Variants in RGL1 observed in about 807,000 individuals in gnomAD.
RGL1 encodes the protein ral guanine nucleotide dissociation stimulator-like 1.
A neutral mutation model predicts 95.2 loss-of-function variants in RGL1; 24 were observed. The observed-to-expected ratio is 0.25, with a 90% CI of 0.18 to 0.35. The LOEUF (loss-of-function observed/expected upper bound fraction) is 0.35. Ranked by LOEUF, RGL1 falls within the 10% of genes least tolerant of loss-of-function variation. The pLI is 1.00. For missense variants in RGL1, 715 were observed against 936.3 expected, an observed-to-expected ratio of 0.76 and a Z score of 3.08; for synonymous variants, 329 against 344.9, an observed-to-expected ratio of 0.95 and a Z score of 0.51.
chr1:183,646,338 T>C (rs1037109040), intron 1 of RGL1: 10 of 152,176 alleles, frequency 6.6e-5, no homozygotes, highest in Non-Finnish European at 1.5e-5. Flanking sequence ...TCCTAAAATA[T>C]GTTTTTCTTT....
At chr1:183,721,463 G>A (rs75223998) in intron 1 of RGL1, among the ~76,000 whole-genome samples, 4 of 152,030 alleles carry the variant, frequency 2.6e-5, no homozygotes, top group Non-Finnish European at 4.4e-5. Context: ...TCAAGCACAC[G>A]TCCTTATTCA....
chr1:183,818,495 T>C (rs935913119), intron 2 of RGL1, among the ~76,000 whole-genome samples: 2 of 152,254 alleles, frequency 1.3e-5, no homozygotes, highest in African/African-American at 4.8e-5. Flanking sequence ...TTTACTCTTC[T>C]ACTTTTCCCA....
chr1:183,745,156 C>T (rs1657547038), intron 2 of RGL1, among the ~76,000 whole-genome samples: 1 of 152,044 alleles, frequency 6.6e-6, no homozygotes, highest in Non-Finnish European at 1.5e-5. Context: ...TGGATATTGG[C>T]CATTTAGTTT....
chr1:183,756,552 G>A (rs190903289), intron 2 of RGL1, among the ~76,000 whole-genome samples: 61 of 152,280 alleles, frequency 4.0e-4, no homozygotes, highest in African/African-American at 1.3e-3. Context: ...TTTGTTTTTA[G>A]AAATGCTAGT....
chr1:183,643,620 T>C (rs1368138563), intron 1 of RGL1, among the ~76,000 whole-genome samples: 2 of 151,988 alleles, frequency 1.3e-5, no homozygotes, highest in East Asian at 3.9e-4. Flanking sequence ...AAAAATTACT[T>C]TACTTTTTTA....
chr1:183,818,159 A>G (rs1662210887), intron 2 of RGL1, among the ~76,000 whole-genome samples: 1 of 152,110 alleles, frequency 6.6e-6, no homozygotes, highest in Non-Finnish European at 1.5e-5. Flanking sequence ...CCCAACCCCA[A>G]CCTGAAATCA....
At chr1:183,689,485 C>T (rs1653815372) in intron 1 of RGL1, among the ~76,000 whole-genome samples, 1 of 152,144 alleles carries the variant, frequency 6.6e-6, no homozygotes, top group Admixed American at 6.6e-5. Context: ...CCCTGTTCTC[C>T]ACTATGACTT....
chr1:183,742,087 A>G, intron 1 of RGL1: 9 of 1,552,184 alleles, frequency 5.8e-6, no homozygotes, highest in East Asian at 2.3e-5. Flanking sequence ...AATGTTACCC[A>G]TTGTTTTAAC....
intron 2 of RGL1, among the ~76,000 whole-genome samples, chr1:183,763,229 G>T (rs944904461): frequency 3.3e-5 from 5 of 152,046 alleles, no homozygotes; most frequent in African/African-American, 1.2e-4. Flanking sequence ...TCACACACTG[G>T]GACCTGTCAG....
At chr1:183,900,067 C>G in intron 10 of RGL1, 83 bp from the exon 11 acceptor site, 2 of 1,042,724 alleles carry the variant, frequency 1.9e-6, no homozygotes, top group Admixed American at 3.6e-5. Flanking sequence ...TTGAATACAT[C>G]CATTTGCTCC....
intron 1 of RGL1, among the ~76,000 whole-genome samples, chr1:183,679,032 A>G (rs1653021568): frequency 2.6e-5 from 4 of 152,122 alleles, no homozygotes. Flanking sequence ...TATAGGTCCT[A>G]AGCATATCAG....
intron 9 of RGL1, among the ~76,000 whole-genome samples, chr1:183,895,982 C>G (rs751961513): frequency 1.3e-5 from 2 of 152,102 alleles, no homozygotes; most frequent in Non-Finnish European, 2.9e-5. Context: ...TTCTTAGGAG[C>G]CTTTGAACTT....
chr1:183,661,389 C>A (rs1053934139), intron 1 of RGL1, among the ~76,000 whole-genome samples: 22 of 152,048 alleles, frequency 1.4e-4, no homozygotes, highest in African/African-American at 5.3e-4. Context: ...ACCACCAATC[C>A]CACAGAAATG....
At chr1:183,880,531 C>T in intron 4 of RGL1, 85 bp from the exon 5 acceptor site, 1 of 1,269,854 alleles carries the variant, frequency 7.9e-7, no homozygotes, top group Non-Finnish European at 1.1e-6. Flanking sequence ...CCAGGGGTGC[C>T]CCTGGGGTCC....
intron 2 of RGL1, among the ~76,000 whole-genome samples, chr1:183,834,684 A>G (rs1363420382): frequency 6.6e-6 from 1 of 151,540 alleles, no homozygotes; most frequent in Non-Finnish European, 1.5e-5. Flanking sequence ...TTCTCTTTTT[A>G]TTTTGTATTT....
chr1:183,749,070 G>A (rs1657833188), intron 2 of RGL1, among the ~76,000 whole-genome samples: 2 of 152,220 alleles, frequency 1.3e-5, no homozygotes, highest in Non-Finnish European at 2.9e-5. Context: ...TAAGTGCTAT[G>A]TGGTACTGAG....
At chr1:183,832,591 G>A (rs549715164) in intron 2 of RGL1, among the ~76,000 whole-genome samples, 1 of 152,282 alleles carries the variant, frequency 6.6e-6, no homozygotes, top group African/African-American at 2.4e-5. Context: ...AACTGTTGAT[G>A]AGCCTTTAGA....
chr1:183,785,274 G>A (rs1397688754), intron 2 of RGL1, among the ~76,000 whole-genome samples: 3 of 152,098 alleles, frequency 2.0e-5, no homozygotes, highest in Non-Finnish European at 4.4e-5. Context: ...ACTATTTTCG[G>A]TCCACCCGTG....
At chr1:183,860,570 C>T (rs1158669287) in intron 3 of RGL1, among the ~76,000 whole-genome samples, 2 of 152,122 alleles carry the variant, frequency 1.3e-5, no homozygotes, top group Non-Finnish European at 2.9e-5. Context: ...GAGGCTCTTT[C>T]CCTGGAGATC....
Sources: allele counts gnomAD v4.1 joint callset (sites outside exome capture counted in the v4.1 genomes callset), GRCh38; gene constraint gnomAD v4.1.1; transcripts MANE v1.5; gene names NCBI Gene and HGNC (gene_info 2026-07-23, HGNC 2026-07-21).